The following CNOT1 variants were observed in gnomAD, a reference collection of about 807,000 sequenced individuals.
CNOT1 encodes the protein CCR4-NOT transcription complex subunit 1, also known as CCR4-associated factor 1.
In CNOT1, 15 loss-of-function variants were observed where a neutral mutation model predicts 273.8. That is an observed-to-expected ratio of 0.05 (90% CI 0.04 to 0.08). The LOEUF is 0.08. Among genes scored for constraint, CNOT1 ranks in the 10% least tolerant of loss-of-function variants. The pLI, the probability that CNOT1 is intolerant of heterozygous loss-of-function variation, is 1.00. For missense variants in CNOT1, 1,644 were observed against 2,912.2 expected, an observed-to-expected ratio of 0.56 and a Z score of 10.02; for synonymous variants, 1,022 against 1,005.5, an observed-to-expected ratio of 1.02 and a Z score of -0.31.
intron 4 of CNOT1, 68 bp downstream of exon 4, chr16:58,587,712 C>A: frequency 6.6e-7 from 1 of 1,517,884 alleles, no homozygotes; most frequent in Non-Finnish European, 8.9e-7. Context: ...ATTATGAGAT[C>A]AAGGCTTAGG....
chr16:58,594,225 C>T (rs2042166723), intron 2 of CNOT1, among the ~76,000 whole-genome samples: 2 of 151,916 alleles, frequency 1.3e-5, no homozygotes, highest in South Asian at 4.2e-4. Flanking sequence ...GCCTGGGCAA[C>T]AAGAGCGAAA....
Position 58,523,498 on chromosome 16 carries a change from G to A in CNOT1, c.6789C>T (p.Arg2263=). ...TTGCAATTGCATTCAAAAAGAGATA[G>A]CGACCTAGAAATTAAGAAACCTTGA... ...NLAVDLDTEG[R]YLFLNAIANQ... Residue 2263 remains arginine, a synonymous_variant, in exon 47 of 49, where the codon CGC becomes CGT. Transcript: ENST00000317147. 6.2e-7 allele frequency: 1 copy of A among 1,613,844 alleles called. No individual in the cohort carries two copies. The highest frequency in any genetic ancestry group is 8.5e-7 in the Non-Finnish European group (1 of 1,179,894).
At position 58,520,791 on chromosome 16, in the gene CNOT1, C is replaced by G; in HGVS notation, c.*167G>C. ...AAAAAAATGCATTTAAACTTTGGAACGTGCCCACATAAGACAGGAGGCTGA... is the reference window on the plus strand; with the variant it reads ...AAAAAAATGCATTTAAACTTTGGAAGGTGCCCACATAAGACAGGAGGCTGA... On this transcript the variant is annotated 3_prime_UTR_variant, in exon 49 of 49. Coordinates refer to ENST00000317147, the MANE Select transcript of CNOT1 (RefSeq NM_016284.5). 6.2e-6 allele frequency: 4 copies of G among 649,798 alleles called. No homozygotes were observed. The South Asian group carries it at 8.5e-5, about 14-fold the overall frequency. 40.3% of individuals were successfully genotyped at this position (649,798 alleles called of 1,614,324 possible).
rs543053484 is a variant in CNOT1 at position 58,588,149 on chromosome 16, A to T, written c.211-271T>A. On this transcript the variant is annotated intron_variant, in intron 3 of 48. Coordinates refer to ENST00000317147, the MANE Select transcript of CNOT1 (RefSeq NM_016284.5). The stretch of plus-strand genomic sequence containing the variant: ...CCCTCTCTCTACTAAAAATACAAAA[A>T]TTAGCCAGGCCTGGTGCCAGATGCC... Among the ~76,000 whole-genome samples the T allele has an allele frequency of 4.6e-4, 70 of 152,176 alleles. 1 individual carries two copies. The East Asian group carries it at 0.012, about 26-fold the overall frequency.
chr16:58,597,792 T>C (rs1597557334), intron 2 of CNOT1: 3 of 478,160 alleles, frequency 6.3e-6, no homozygotes, highest in African/African-American at 2.0e-5. Flanking sequence ...TGATAAAGGA[T>C]ACTCCAAGGC....
intron 16 of CNOT1, among the ~76,000 whole-genome samples, chr16:58,567,586 A>G (rs1181963793): frequency 6.6e-6 from 1 of 152,000 alleles, no homozygotes; most frequent in African/African-American, 2.4e-5. Flanking sequence ...ATAAAGCAAA[A>G]CGACAGGGTA....
intron 2 of CNOT1, among the ~76,000 whole-genome samples, chr16:58,594,240 A>G (rs1210804082): frequency 1.3e-5 from 2 of 151,710 alleles, no homozygotes; most frequent in Non-Finnish European, 2.9e-5. Context: ...GCGAAACTCC[A>G]TCTCAAAACA....
intron 21 of CNOT1, among the ~76,000 whole-genome samples, chr16:58,554,935 C>CAAAAAAAAAAAAAAAAAAAA (rs56180546): frequency 1.3e-5 from 1 of 78,902 alleles, no homozygotes; most frequent in African/African-American, 5.0e-5. Context: ...GACTCCATCT[C>CAAAAAAAAAAAAAAAAAAAA]AAAAAAAAAA....
chr16:58,604,873 A>G (rs1415990402), intron 1 of CNOT1, among the ~76,000 whole-genome samples: 1 of 149,952 alleles, frequency 6.7e-6, no homozygotes, highest in African/African-American at 2.4e-5. Flanking sequence ...GTGGTGGCTC[A>G]TGCCTGTAAT....
chr16:58,529,758 T>G (rs1234455885), intron 43 of CNOT1, among the ~76,000 whole-genome samples: 3 of 146,830 alleles, frequency 2.0e-5, no homozygotes, highest in Non-Finnish European at 4.4e-5. Flanking sequence ...CAAGAATCAC[T>G]TGAACCTGGG....
intron 1 of CNOT1, among the ~76,000 whole-genome samples, chr16:58,626,891 G>C (rs2043609313): frequency 1.3e-5 from 2 of 151,800 alleles, no homozygotes; most frequent in South Asian, 4.2e-4. Flanking sequence ...GCCCAGGCTG[G>C]TCTCTAACTC....
chr16:58,551,271 G>T lies in CNOT1; in HGVS notation c.3203C>A (p.Pro1068His), dbSNP rs768011123. 1 of 1,549,136 alleles carries T rather than the reference G, an allele frequency of 6.5e-7. No homozygotes were observed. Among genetic ancestry groups the T allele is most frequent in the South Asian group, 1.2e-5 (1 of 80,148 alleles). Residue 1068 changes from proline to histidine, a missense_variant and splice_region_variant, in exon 24 of 49, where the codon CCT (proline) becomes CAT (histidine). By Grantham distance (77) the Pro-to-His change is moderately conservative. Transcript: ENST00000317147. ...ATCTATATTTGTAGTATTAATAGAA[G>T]GCTAAAAAAAAAAAATAAAGTACAT... ...TGVSFKKDVPPSINTTNIDTL... is the reference protein window; with the variant it reads ...TGVSFKKDVPHSINTTNIDTL...
intron 1 of CNOT1, among the ~76,000 whole-genome samples, chr16:58,601,655 C>T (rs2042466886): frequency 6.8e-6 from 1 of 147,754 alleles, no homozygotes; most frequent in African/African-American, 2.5e-5. Context: ...AAGTTAACAG[C>T]TTCTTAATGT....
At chr16:58,619,429 TTTC>T (rs1013657228) in intron 1 of CNOT1, among the ~76,000 whole-genome samples, 3 of 151,502 alleles carry the variant, frequency 2.0e-5, no homozygotes, top group Non-Finnish European at 2.9e-5. Flanking sequence ...TTGCATTTTC[TTTC>T]TTTTTTTTTT....
intron 2 of CNOT1, among the ~76,000 whole-genome samples, chr16:58,593,803 G>A (rs1339372175): frequency 1.1e-4 from 17 of 152,060 alleles, no homozygotes; most frequent in Admixed American, 9.8e-4. Flanking sequence ...GAAAGCAGAA[G>A]CAAAACTAAA....
chr16:58,542,016 T>TAAC (rs1253445309), intron 33 of CNOT1, among the ~76,000 whole-genome samples: 1 of 152,198 alleles, frequency 6.6e-6, no homozygotes, highest in Non-Finnish European at 1.5e-5. Flanking sequence ...CTTAGAGTAA[T>TAAC]AACACTTCAA....
chr16:58,551,023 G>A, intron 24 of CNOT1, 109 bp downstream of exon 24: 1 of 1,525,818 alleles, frequency 6.6e-7, no homozygotes, highest in Non-Finnish European at 8.7e-7. Flanking sequence ...TATTCCCTTT[G>A]AGTTTATTAC....
At chr16:58,585,240 A>G in intron 8 of CNOT1, 98 bp downstream of exon 8, 1 of 1,534,896 alleles carries the variant, frequency 6.5e-7, no homozygotes, top group Admixed American at 2.1e-5. Flanking sequence ...TGAGAAGAAA[A>G]GATGATTAAC....
At chr16:58,591,870 C>CAT (rs1436268233) in intron 2 of CNOT1, among the ~76,000 whole-genome samples, 9 of 151,376 alleles carry the variant, frequency 5.9e-5, no homozygotes, top group Admixed American at 5.9e-4. Flanking sequence ...TAGTGCCTAC[C>CAT]ATTCCATATG....
Sources: allele counts gnomAD v4.1 joint callset (sites outside exome capture counted in the v4.1 genomes callset), GRCh38; gene constraint gnomAD v4.1.1; transcripts MANE v1.5; gene names NCBI Gene and HGNC (gene_info 2026-07-23, HGNC 2026-07-21).